The following LHFPL3 variants were observed in gnomAD, a reference collection of about 807,000 sequenced individuals.
The protein encoded by LHFPL3 is LHFPL tetraspan subfamily member 3 protein.
In LHFPL3, 5 loss-of-function variants were observed where a neutral mutation model predicts 19.3. That is an observed-to-expected ratio of 0.26 (90% confidence interval 0.14 to 0.54). The LOEUF is 0.54. Among genes scored for constraint, LHFPL3 ranks in the 20% least tolerant of loss-of-function variants. The probability of loss-of-function intolerance (pLI) is 0.94; values close to 1 mark genes in which losing one functional copy is unlikely to be tolerated. For missense variants in LHFPL3, 249 were observed against 307.4 expected, an observed-to-expected ratio of 0.81 and a Z score of 1.42; for synonymous variants, 133 against 126.2, an observed-to-expected ratio of 1.05 and a Z score of -0.36.
rs1308397847 is a variant in LHFPL3, at chr7:104,489,264, A to G, written c.445+160040A>G. On this transcript the variant is annotated intron_variant, in intron 1 of 2. Coordinates refer to ENST00000424859, the MANE Select transcript of LHFPL3 (RefSeq NM_199000.3). ...CGCCCGGCTAATTTTTTGTATTTTT[A>G]GTAGAGACGGGGTTTCACCGTTTTT... Among the ~76,000 whole-genome samples the G allele has an allele frequency of 4.9e-5, 2 of 40,538 alleles. 1 individual carries two copies. Among genetic ancestry groups the G allele is most frequent in the East Asian group, 8.5e-4 (2 of 2,342 alleles). 26.6% of individuals were successfully genotyped at this position (40,538 alleles called of 152,430 possible). A position where few individuals can be genotyped will look rare whatever the true frequency, so the allele number is the denominator to read the frequency against.
intron 2 of LHFPL3, among the ~76,000 whole-genome samples, chr7:104,743,307 C>T (rs946692235): frequency 6.6e-6 from 1 of 151,982 alleles, no homozygotes; most frequent in Non-Finnish European, 1.5e-5. Flanking sequence ...CTCCTTGCCT[C>T]ACTGGATTCT....
At chr7:104,511,877 G>A (rs1793820297) in intron 1 of LHFPL3, among the ~76,000 whole-genome samples, 1 of 151,030 alleles carries the variant, frequency 6.6e-6, no homozygotes, top group East Asian at 1.9e-4. Context: ...GAGATTCTAA[G>A]TATGTCCTCT....
At chr7:104,398,808 G>C (rs902644630) in intron 1 of LHFPL3, among the ~76,000 whole-genome samples, 1 of 150,908 alleles carries the variant, frequency 6.6e-6, no homozygotes. Context: ...GCAGATTTCT[G>C]TTGTCACCTC....
intron 2 of LHFPL3, among the ~76,000 whole-genome samples, chr7:104,756,076 G>A (rs551648497): frequency 1.3e-5 from 2 of 152,026 alleles, no homozygotes; most frequent in Non-Finnish European, 2.9e-5. Context: ...TGGGGAGTGG[G>A]GATGGAGATC....
intron 1 of LHFPL3, among the ~76,000 whole-genome samples, chr7:104,503,431 CAATG>C (rs1793639510): frequency 1.3e-5 from 2 of 152,078 alleles, no homozygotes. Flanking sequence ...AGATTTTCTA[CAATG>C]AATGTTTGTT....
intron 2 of LHFPL3, among the ~76,000 whole-genome samples, chr7:104,762,756 A>G (rs1189653791): frequency 6.6e-6 from 1 of 152,146 alleles, no homozygotes; most frequent in Admixed American, 6.5e-5. Flanking sequence ...TTTTGATTCC[A>G]TTTTAAAGAT....
chr7:104,682,706 C>A (rs1792729234), intron 1 of LHFPL3, among the ~76,000 whole-genome samples: 1 of 152,104 alleles, frequency 6.6e-6, no homozygotes, highest in Non-Finnish European at 1.5e-5. Flanking sequence ...TGTGTATTTG[C>A]AAGTTTATTT....
At chr7:104,556,165 T>C (rs143777520) in intron 1 of LHFPL3, among the ~76,000 whole-genome samples, 141 of 152,264 alleles carry the variant, frequency 9.3e-4, no homozygotes, top group African/African-American at 3.1e-3. Flanking sequence ...GGATCTACTA[T>C]TCTAGGGTCT....
At chr7:104,837,647 T>A (rs1460775219) in intron 2 of LHFPL3, among the ~76,000 whole-genome samples, 2 of 152,176 alleles carry the variant, frequency 1.3e-5, no homozygotes, top group Non-Finnish European at 2.9e-5. Flanking sequence ...CCATAGGTTA[T>A]TGAGGAACAG....
intron 1 of LHFPL3, among the ~76,000 whole-genome samples, chr7:104,344,858 C>CT (rs142806083): frequency 0.056 from 8,525 of 152,052 alleles, 415 homozygotes; most frequent in African/African-American, 0.13. Flanking sequence ...TAAAATTGGT[C>CT]TTTTTTTGTT....
intron 2 of LHFPL3, among the ~76,000 whole-genome samples, chr7:104,775,923 C>CA (rs1794629439): frequency 6.6e-6 from 1 of 151,572 alleles, no homozygotes. Context: ...CTTGATTTTC[C>CA]ATGTGTACTC....
At chr7:104,637,498 AT>A (rs1210308924) in intron 1 of LHFPL3, among the ~76,000 whole-genome samples, 3 of 151,944 alleles carry the variant, frequency 2.0e-5, no homozygotes, top group African/African-American at 7.2e-5. Flanking sequence ...ATCTTCTAGG[AT>A]TTTTATAGTT....
chr7:104,551,139 A>T (rs538233719), intron 1 of LHFPL3, among the ~76,000 whole-genome samples: 32 of 148,364 alleles, frequency 2.2e-4, no homozygotes, highest in African/African-American at 6.8e-4. Context: ...ACACACACAC[A>T]CTTCATGTTT....
At chr7:104,619,250 G>C (rs1021445184) in intron 1 of LHFPL3, among the ~76,000 whole-genome samples, 2 of 152,098 alleles carry the variant, frequency 1.3e-5, no homozygotes, top group Non-Finnish European at 2.9e-5. Context: ...GTTGACTTCT[G>C]ATACTATTTT....
intron 2 of LHFPL3, among the ~76,000 whole-genome samples, chr7:104,844,658 CAAT>C (rs1010489940): frequency 1.3e-5 from 2 of 152,164 alleles, no homozygotes; most frequent in Non-Finnish European, 2.9e-5. Flanking sequence ...ATAAAAACAA[CAAT>C]GATGTCTAAC....
At chr7:104,724,584 C>T (rs537739881) in intron 1 of LHFPL3, among the ~76,000 whole-genome samples, 1 of 152,100 alleles carries the variant, frequency 6.6e-6, no homozygotes, top group East Asian at 1.9e-4. Flanking sequence ...TACAGTGGAA[C>T]GACACACACT....
chr7:104,367,389 G>C (rs181636751), intron 1 of LHFPL3, among the ~76,000 whole-genome samples: 51 of 152,230 alleles, frequency 3.4e-4, no homozygotes, highest in African/African-American at 1.2e-3. Context: ...AACCTATGTC[G>C]TCAACATCTT....
chr7:104,475,901 T>A (rs1793001636), intron 1 of LHFPL3, among the ~76,000 whole-genome samples: 1 of 152,222 alleles, frequency 6.6e-6, no homozygotes, highest in Admixed American at 6.5e-5. Flanking sequence ...AACGATGATT[T>A]TTTTACTAGC....
chr7:104,859,668 CAAAATAAA>C (rs1242319971), intron 2 of LHFPL3, among the ~76,000 whole-genome samples: 2 of 152,012 alleles, frequency 1.3e-5, no homozygotes, highest in Non-Finnish European at 2.9e-5. Context: ...GACCCCATCT[CAAAATAAA>C]TAAATAAATA....
Sources: allele counts gnomAD v4.1 joint callset (sites outside exome capture counted in the v4.1 genomes callset), GRCh38; gene constraint gnomAD v4.1.1; transcripts MANE v1.5; gene names NCBI Gene and HGNC (gene_info 2026-07-23, HGNC 2026-07-21).